Variants in DOCK4 observed in about 807,000 individuals in gnomAD.
The protein encoded by DOCK4 is dedicator of cytokinesis 4, also known as dedicator of cytokinesis protein 4.
A neutral mutation model predicts 268.1 loss-of-function variants in DOCK4; 97 were observed. That is an observed-to-expected ratio of 0.36 (90% CI 0.31 to 0.43). The LOEUF is 0.43. Among genes scored for constraint, DOCK4 ranks in the 20% least tolerant of loss-of-function variants. The probability of loss-of-function intolerance (pLI) is 1.00; values close to 1 mark genes in which losing one functional copy is unlikely to be tolerated. For synonymous variants in DOCK4, 954 were observed against 887.2 expected (o/e 1.08, Z -1.34); for missense variants, 2,145 against 2,455.7 (o/e 0.87, Z 2.67).
At chr7:112,021,543 T>C (rs60743802) in intron 1 of DOCK4, among the ~76,000 whole-genome samples, 7 of 152,328 alleles carry the variant, frequency 4.6e-5, no homozygotes, top group South Asian at 4.1e-4. Flanking sequence ...CGCCTTCCCA[T>C]GGGCAAGTCA....
chr7:111,857,756 T>C (rs1257720769), intron 23 of DOCK4, among the ~76,000 whole-genome samples: 1 of 152,126 alleles, frequency 6.6e-6, no homozygotes, highest in African/African-American at 2.4e-5. Flanking sequence ...CCCTAAACTA[T>C]GTCTCTGCTA....
chr7:112,204,144 T>A (rs548472443), intron 1 of DOCK4, among the ~76,000 whole-genome samples: 2 of 152,092 alleles, frequency 1.3e-5, no homozygotes, highest in Admixed American at 6.5e-5. Context: ...ACTGATAATA[T>A]CCGGTTTGCC....
At chr7:112,123,814 G>A (rs1057173829) in intron 1 of DOCK4, among the ~76,000 whole-genome samples, 2 of 152,068 alleles carry the variant, frequency 1.3e-5, no homozygotes, top group African/African-American at 4.8e-5. Flanking sequence ...TCATAAGGAA[G>A]AAAAACCTGC....
chr7:111,739,450 A>T lies in DOCK4; in HGVS notation c.5068T>A (p.Ser1690Thr). ...QPSPSTSSLSSTHSASPNVTS... is the reference protein window; with the variant it reads ...QPSPSTSSLSTTHSASPNVTS... Reference sequence around the variant, plus strand: ...ACATTAGGTGAAGCCGAGTGAGTAGAACTCAAGCTTGAGGTAGATGGACTT... The same window carrying T: ...ACATTAGGTGAAGCCGAGTGAGTAGTACTCAAGCTTGAGGTAGATGGACTT... Residue 1690 changes from serine (S) to threonine (T), a missense_variant, in exon 48 of 53, where the codon TCT (serine) becomes ACT (threonine). Transcript: ENST00000428084. The T allele has an allele frequency of 6.4e-7, 1 of 1,573,058 alleles. No homozygotes were observed. Among genetic ancestry groups the T allele is most frequent in the Non-Finnish European group, 8.6e-7 (1 of 1,159,176 alleles).
intron 1 of DOCK4, among the ~76,000 whole-genome samples, chr7:112,200,710 T>C (rs1358306890): frequency 2.9e-5 from 3 of 103,624 alleles, no homozygotes; most frequent in African/African-American, 1.1e-4. Context: ...CTAGCTACCA[T>C]AACAGCCTCT....
intron 12 of DOCK4, among the ~76,000 whole-genome samples, chr7:111,929,171 T>C (rs1260679375): frequency 1.3e-5 from 2 of 152,128 alleles, no homozygotes; most frequent in Admixed American, 6.5e-5. Context: ...TAAGTGTATA[T>C]GTACATATAT....
At chr7:112,045,599 G>C (rs1399328699) in intron 1 of DOCK4, among the ~76,000 whole-genome samples, 1 of 152,154 alleles carries the variant, frequency 6.6e-6, no homozygotes, top group African/African-American at 2.4e-5. Context: ...AATGCTCCTT[G>C]GCTGAGAACA....
chr7:112,113,670 C>A (rs1055482572), intron 1 of DOCK4, among the ~76,000 whole-genome samples: 1 of 150,400 alleles, frequency 6.6e-6, no homozygotes, highest in African/African-American at 2.4e-5. Flanking sequence ...AACTCCTGGC[C>A]TCAAACAATC....
At chr7:112,138,903 T>A (rs904180092) in intron 1 of DOCK4, among the ~76,000 whole-genome samples, 2 of 152,094 alleles carry the variant, frequency 1.3e-5, no homozygotes, top group African/African-American at 2.4e-5. Context: ...AGCCAGGAAG[T>A]GGGCCTGCAT....
intron 6 of DOCK4, among the ~76,000 whole-genome samples, chr7:111,985,455 A>G (rs1404364685): frequency 2.6e-5 from 4 of 152,118 alleles, no homozygotes; most frequent in African/African-American, 7.2e-5. Context: ...ATAGAACCAC[A>G]GCTTTCTTAC....
At chr7:111,840,827 G>A in intron 25 of DOCK4, 2 of 1,350,368 alleles carry the variant, frequency 1.5e-6, no homozygotes, top group South Asian at 1.1e-5. Flanking sequence ...GGTGCTCAAT[G>A]TAGTACTGCC....
In DOCK4 at chr7:111,974,454, C is replaced by T. The variant is rs145432511; in HGVS notation, c.701+2678G>A. Among the ~76,000 whole-genome samples the T allele has an allele frequency of 6.5e-3, 935 of 143,622 alleles. 5 individuals carry two copies. The highest frequency in any genetic ancestry group is 0.036 in the Middle Eastern group (10 of 280). 94.2% of individuals were successfully genotyped at this position (143,622 alleles called of 152,430 possible). On this transcript the variant is annotated intron_variant, in intron 8 of 52. Transcript: ENST00000428084. ...TGGGAAGGGACTGACTTGATTTCTC[C>T]GAGGATCATTACAGATCAGGTGGCA...
chr7:111,746,612 G>C (rs184067055), intron 43 of DOCK4, among the ~76,000 whole-genome samples, 195 bp from the exon 44 acceptor site: 143 of 152,276 alleles, frequency 9.4e-4, no homozygotes, highest in Admixed American at 1.5e-3. Flanking sequence ...AGGAAGATCA[G>C]TGATTGTACA....
At chr7:111,936,367 G>A (rs1369372088) in intron 11 of DOCK4, among the ~76,000 whole-genome samples, 6 of 152,148 alleles carry the variant, frequency 3.9e-5, no homozygotes, top group Non-Finnish European at 7.3e-5. Context: ...TGTTTACGTG[G>A]TGTAGTTCAC....
chr7:111,977,367 G>T, intron 7 of DOCK4, 84 bp from the exon 8 acceptor site: 1 of 1,431,156 alleles, frequency 7.0e-7, no homozygotes, highest in South Asian at 1.4e-5. Context: ...GCTATGAGGT[G>T]ACTGTGATGT....
At chr7:112,046,349 G>C (rs1053460960) in intron 1 of DOCK4, among the ~76,000 whole-genome samples, 3 of 151,900 alleles carry the variant, frequency 2.0e-5, no homozygotes, top group African/African-American at 4.8e-5. Flanking sequence ...TCAGACAATT[G>C]AAAAAATAGA....
chr7:111,917,596 C>T (rs1792719570), intron 12 of DOCK4, among the ~76,000 whole-genome samples: 2 of 151,732 alleles, frequency 1.3e-5, no homozygotes, highest in South Asian at 2.1e-4. Flanking sequence ...GTCCCAGCTA[C>T]TCTGGAGGCT....
At chr7:111,838,632 C>T (rs964502856) in intron 25 of DOCK4, among the ~76,000 whole-genome samples, 2 of 151,956 alleles carry the variant, frequency 1.3e-5, no homozygotes, top group South Asian at 4.2e-4. Flanking sequence ...ATATCAAATT[C>T]TAAAAAATGT....
At chr7:112,112,415 G>A (rs11767087) in intron 1 of DOCK4, among the ~76,000 whole-genome samples, 48,413 of 151,870 alleles carry the variant, frequency 0.32, 7,743 homozygotes, top group East Asian at 0.35. Flanking sequence ...AGGCCGAGGC[G>A]GGCAGATCAC....
Sources: allele counts gnomAD v4.1 joint callset (sites outside exome capture counted in the v4.1 genomes callset), GRCh38; gene constraint gnomAD v4.1.1; transcripts MANE v1.5; gene names NCBI Gene and HGNC (gene_info 2026-07-23, HGNC 2026-07-21).